Variants in CFAP47 observed in about 807,000 individuals in gnomAD.
The protein encoded by CFAP47 is cilia and flagella associated protein 47.
CFAP47 carries 29 observed loss-of-function variants against 148.1 expected under a neutral mutation model. The ratio of observed to expected loss-of-function variants is 0.20; its 90% confidence interval spans 0.15 to 0.27. CFAP47 has a LOEUF of 0.27. CFAP47 is among the 10% of genes least tolerant of loss of function. The pLI, the probability that CFAP47 is intolerant of heterozygous loss-of-function variation, is 1.00. For synonymous variants in CFAP47, 664 were observed against 577.3 expected (o/e 1.15, Z -2.15); for missense variants, 1,872 against 1,697.5 (o/e 1.10, Z -1.81).
At chrX:36,322,169 A>T (rs2146968424) in intron 57 of CFAP47, among the ~76,000 whole-genome samples, 1 of 111,246 alleles carries the variant, frequency 9.0e-6, no homozygotes, top group Admixed American at 9.7e-5. Context: ...TTCAGATCAT[A>T]TATATACTTT....
chrX:36,206,550 TAAATA>T (rs1309702615), intron 45 of CFAP47, among the ~76,000 whole-genome samples: 3 of 111,904 alleles, frequency 2.7e-5, no homozygotes, highest in Non-Finnish European at 5.7e-5. Flanking sequence ...AATGTGTTTA[TAAATA>T]AAATTAAGAA....
intron 39 of CFAP47, among the ~76,000 whole-genome samples, chrX:36,164,972 T>C (rs1424658333): frequency 1.8e-5 from 2 of 111,875 alleles, no homozygotes; most frequent in Non-Finnish European, 1.9e-5. Flanking sequence ...CCACAGCTAC[T>C]GTCAGTCATG....
chrX:36,075,267 AC>A (rs1192594987), intron 29 of CFAP47, among the ~76,000 whole-genome samples: 33 of 108,168 alleles, frequency 3.1e-4, no homozygotes, highest in Non-Finnish European at 2.5e-4. Flanking sequence ...TCTCTCTGTC[AC>A]CCAGACTGGG....
In CFAP47 at chrX:35,957,207, CAAAAAAAAAAAAA is replaced by C. The variant is rs371147219; in HGVS notation, c.1410+1020_1410+1032del. Among the ~76,000 whole-genome samples the C allele has an allele frequency of 1.8e-4, 6 of 33,691 alleles. No homozygotes were observed. The East Asian group carries it at 6.3e-3, about 35-fold the overall frequency. The allele number at this position is 33,691 out of a possible 115,157, so 29.3% of individuals were successfully genotyped here. On this transcript the variant is annotated intron_variant, in intron 8 of 63. Coordinates refer to ENST00000378653, the MANE Select transcript of CFAP47 (RefSeq NM_001304548.2). The stretch of plus-strand genomic sequence containing the variant: ...CTGGTGACAGAGTGAGACTCCATCT[CAAAAAAAAAAAAA>C]AAAAAAAAGACTTAAGTGGTTGTGA...
intron 51 of CFAP47, among the ~76,000 whole-genome samples, chrX:36,286,644 T>C (rs782410339): frequency 3.7e-4 from 41 of 111,328 alleles, no homozygotes; most frequent in African/African-American, 1.2e-3. Context: ...TTTCTGTGAA[T>C]TGGTTACCAC....
In CFAP47 at chrX:36,319,290, C is replaced by G; in HGVS notation, c.8426C>G (p.Ser2809Cys). ...GAGAGTTCTGCCTTCAGATTTAGTT[C>G]TCCGAGTGAAATACAAGGTACAGGA... ...IYESSAFRFS[S>C]PSEIQGIALP... The change falls in exon 57 of 64, where the codon TCT becomes TGT. Residue 2809 changes from serine (S) to cysteine (C), a missense_variant. Physicochemically the swap from Ser to Cys is moderately radical, Grantham distance 112. Transcript: ENST00000378653. 2 of 1,069,198 alleles carry G rather than the reference C, an allele frequency of 1.9e-6. No homozygotes were observed. Among genetic ancestry groups the G allele is most frequent in the Non-Finnish European group, 2.5e-6 (2 of 796,085 alleles). The allele number at this position is 1,069,198 out of a possible 1,213,427, so 88.1% of individuals were successfully genotyped here. A position where few individuals can be genotyped will look rare whatever the true frequency, so the allele number is the denominator to read the frequency against.
At chrX:36,079,313 C>G (rs1937927581) in intron 29 of CFAP47, among the ~76,000 whole-genome samples, 1 of 112,160 alleles carries the variant, frequency 8.9e-6, no homozygotes, top group African/African-American at 3.2e-5. Context: ...TCAGGTACAG[C>G]AGTCAAACAT....
intron 39 of CFAP47, among the ~76,000 whole-genome samples, chrX:36,172,595 T>C: frequency 9.0e-6 from 1 of 111,013 alleles, no homozygotes; most frequent in Admixed American, 9.6e-5. Flanking sequence ...ATATGCTGGA[T>C]TACATTTATT....
intron 33 of CFAP47, among the ~76,000 whole-genome samples, chrX:36,132,719 T>C (rs1938970105): frequency 8.9e-6 from 1 of 111,853 alleles, no homozygotes; most frequent in African/African-American, 3.2e-5. Context: ...CTTTACTTTT[T>C]CACATCATCG....
chrX:36,189,540 C>G (rs781892328), intron 41 of CFAP47, among the ~76,000 whole-genome samples: 7 of 111,718 alleles, frequency 6.3e-5, no homozygotes, highest in Non-Finnish European at 1.1e-4. Flanking sequence ...TTGTAAGGAT[C>G]AAGTCACTAA....
At chrX:35,975,618 A>G in intron 14 of CFAP47, 54 bp from the exon 15 acceptor site, 6 of 1,160,947 alleles carry the variant, frequency 5.2e-6, no homozygotes, top group Admixed American at 2.2e-5. Flanking sequence ...GCTGAATTCT[A>G]TAATCACAAA....
chrX:36,142,578 G>T (rs1452101007), intron 35 of CFAP47, among the ~76,000 whole-genome samples: 2 of 111,411 alleles, frequency 1.8e-5, no homozygotes, highest in African/African-American at 6.5e-5. Flanking sequence ...GCCTAAGGTT[G>T]ACAAAAGTCT....
intron 24 of CFAP47, among the ~76,000 whole-genome samples, chrX:36,036,553 T>A (rs1937341031): frequency 8.9e-6 from 1 of 112,035 alleles, no homozygotes; most frequent in Admixed American, 9.5e-5. Flanking sequence ...CCTTTGAGAT[T>A]ACTGGATCAT....
chrX:36,062,064 T>G lies in CFAP47; in HGVS notation c.4218-3579T>G, dbSNP rs149076132. Among the ~76,000 whole-genome samples, 825 of 111,714 alleles carry G rather than the reference T, an allele frequency of 7.4e-3. 6 individuals carry two copies. Among genetic ancestry groups the G allele is most frequent in the African/African-American group, 0.019 (580 of 30,776 alleles). ...AGAAAAAAGTTTAGTCAGATAACCA[T>G]AGTAAGACTAGAGAGACATGTTTCT... On this transcript the variant is annotated intron_variant, in intron 26 of 63. Transcript: ENST00000378653.
intron 61 of CFAP47, among the ~76,000 whole-genome samples, chrX:36,364,438 TAATAAATAAATAAATAAATAAATA>T (rs56972655): frequency 0.032 from 3,195 of 99,092 alleles, 125 homozygotes; most frequent in African/African-American, 0.11. Flanking sequence ...CAGATTGTCC[TAATAAATAAATAAATAAATAAATA>T]AATAAATAAA....
intron 49 of CFAP47, among the ~76,000 whole-genome samples, chrX:36,276,896 C>T (rs1245536354): frequency 1.8e-5 from 2 of 111,208 alleles, no homozygotes; most frequent in African/African-American, 3.3e-5. Flanking sequence ...TGACTACCCA[C>T]GGATGATAGC....
chrX:36,130,680 T>C (rs1938931487), intron 33 of CFAP47, among the ~76,000 whole-genome samples: 1 of 110,785 alleles, frequency 9.0e-6, no homozygotes, highest in East Asian at 2.8e-4. Flanking sequence ...AACCTAAGTG[T>C]CCATCAGCAG....
chrX:35,972,295 T>C (rs2146666689), intron 13 of CFAP47, among the ~76,000 whole-genome samples: 1 of 111,107 alleles, frequency 9.0e-6, no homozygotes, highest in East Asian at 2.8e-4. Flanking sequence ...AGTGGCATGA[T>C]CTCGGTTCAC....
chrX:35,924,329 ATG>A (rs1188939824), intron 1 of CFAP47, among the ~76,000 whole-genome samples: 2 of 106,314 alleles, frequency 1.9e-5, no homozygotes, highest in Admixed American at 2.0e-4. Flanking sequence ...GTATGTGTAT[ATG>A]TGTACATATA....
Sources: allele counts gnomAD v4.1 joint callset (sites outside exome capture counted in the v4.1 genomes callset), GRCh38; gene constraint gnomAD v4.1.1; transcripts MANE v1.5; gene names NCBI Gene and HGNC (gene_info 2026-07-23, HGNC 2026-07-21).